Variants in AGPAT3 observed in about 807,000 individuals in gnomAD.
AGPAT3 encodes 1-acylglycerol-3-phosphate O-acyltransferase 3.
In AGPAT3, 5 loss-of-function variants were observed where a neutral mutation model predicts 47.3. The observed-to-expected ratio is 0.11, with a 90% CI of 0.06 to 0.22. AGPAT3 has a LOEUF of 0.22. AGPAT3 is among the 10% of genes least tolerant of loss of function. The pLI, the probability that AGPAT3 is intolerant of heterozygous loss-of-function variation, is 1.00. For synonymous variants in AGPAT3, 212 were observed against 208.3 expected, an observed-to-expected ratio of 1.02 and a Z score of -0.15; for missense variants, 315 against 493.0, an observed-to-expected ratio of 0.64 and a Z score of 3.42.
intron 2 of AGPAT3, among the ~76,000 whole-genome samples, chr21:43,959,005 CAT>C (rs1569091577): frequency 1.1e-5 from 1 of 89,346 alleles, no homozygotes; most frequent in Non-Finnish European, 2.2e-5. Flanking sequence ...GTGTGTGTAG[CAT>C]GTGTGTGGTT....
At chr21:43,960,283 G>A (rs562699230) in intron 3 of AGPAT3, among the ~76,000 whole-genome samples, 8 of 152,282 alleles carry the variant, frequency 5.3e-5, no homozygotes, top group African/African-American at 1.4e-4. Context: ...GCCTCCCTGC[G>A]TATCAAACAC....
rs1468762234 is a variant in AGPAT3 at position 43,939,152 on chromosome 21, C to G, written c.-48-20482C>G. 3.3e-5 allele frequency among the ~76,000 whole-genome samples: 5 copies of G among 152,176 alleles called. No homozygotes were observed. The highest frequency in any genetic ancestry group is 3.3e-4 in the Admixed American group (5 of 15,288). On this transcript the variant is annotated intron_variant, in intron 2 of 9. Coordinates refer to ENST00000291572, the MANE Select transcript of AGPAT3 (RefSeq NM_020132.5). This position sits in a 1 kb window ranked among gnomAD's most constrained non-coding sequence, Gnocchi z 4.4. The stretch of plus-strand genomic sequence containing the variant: ...GTTGTGTCTGATGCCGTGGGAGATG[C>G]ACGAGCAGTGACTTTCACTTTATCC...
At position 43,981,104 on chromosome 21, in the gene AGPAT3, C is replaced by T; in HGVS notation, c.959C>T (p.Ser320Phe). Reference sequence around the variant, plus strand: ...CTGTCCTGGGCCACCATTCTCCTGTCTCCCCTCTTCAGTTTTGTCTTGGGC... The same window carrying T: ...CTGTCCTGGGCCACCATTCTCCTGTTTCCCCTCTTCAGTTTTGTCTTGGGC... ...NFLSWATILL[S>F]PLFSFVLGVF... Residue 320 changes from serine (S) to phenylalanine (F), a missense_variant, in exon 9 of 10, where the codon TCT becomes TTT. Coordinates refer to ENST00000291572, the MANE Select transcript of AGPAT3 (RefSeq NM_020132.5). This position sits in a 1 kb window ranked among gnomAD's most constrained non-coding sequence, Gnocchi z 5.3. 6.2e-7 allele frequency: 1 copy of T among 1,614,224 alleles called. No individual in the cohort carries two copies. Among genetic ancestry groups the T allele is most frequent in the Non-Finnish European group, 8.5e-7 (1 of 1,180,034 alleles).
In AGPAT3 at chr21:43,952,463, G is replaced by T. The variant is rs1201340365; in HGVS notation, c.-48-7171G>T. Among the ~76,000 whole-genome samples, 2 of 152,184 alleles carry T rather than the reference G, an allele frequency of 1.3e-5. No individual in the cohort carries two copies. Among genetic ancestry groups the T allele is most frequent in the African/African-American group, 2.4e-5 (1 of 41,448 alleles). ...AATTGGGTGTGGGCGTGTGGGGCTGGGCTCTGATTGGCAAGCAGTGCTCTG... is the reference window on the plus strand; with the variant it reads ...AATTGGGTGTGGGCGTGTGGGGCTGTGCTCTGATTGGCAAGCAGTGCTCTG... On this transcript the variant is annotated intron_variant, in intron 2 of 9. Coordinates refer to ENST00000291572, the MANE Select transcript of AGPAT3 (RefSeq NM_020132.5). This position sits in a 1 kb window ranked among gnomAD's most constrained non-coding sequence, Gnocchi z 5.6.
At chr21:43,976,447 C>T (rs998131332) in intron 7 of AGPAT3, among the ~76,000 whole-genome samples, 1 of 152,280 alleles carries the variant, frequency 6.6e-6, no homozygotes. Context: ...GTCTGCCTGC[C>T]CCTCGGCTTC....
intron 8 of AGPAT3, among the ~76,000 whole-genome samples, chr21:43,979,299 AAAAAAAAAAAAAAAAAAG>A (rs2089748654): frequency 2.0e-5 from 1 of 50,670 alleles, no homozygotes; most frequent in South Asian, 7.3e-4. Flanking sequence ...ACTCCAACTC[AAAAAAAAAAAAAAAAAAG>A]AAAGAAAAAA....
chr21:43,983,114 T>G lies in AGPAT3; in HGVS notation c.*722T>G, dbSNP rs2089907114. 1 of 152,280 alleles carries G rather than the reference T, an allele frequency of 6.6e-6. No homozygotes were observed. The highest frequency in any genetic ancestry group is 6.5e-5 in the Admixed American group (1 of 15,286). 9.4% of individuals were successfully genotyped at this position (152,280 alleles called of 1,614,324 possible). A position where few individuals can be genotyped will look rare whatever the true frequency, so the allele number is the denominator to read the frequency against. On this transcript the variant is annotated 3_prime_UTR_variant, in exon 10 of 10. Coordinates refer to ENST00000291572, the MANE Select transcript of AGPAT3 (RefSeq NM_020132.5). ...ATGGGCCCCTGAGAACTCAGTGAAATGCAGAGTTCTCCATGCACCTAAAGC... is the reference window on the plus strand; with the variant it reads ...ATGGGCCCCTGAGAACTCAGTGAAAGGCAGAGTTCTCCATGCACCTAAAGC...
intron 1 of AGPAT3, among the ~76,000 whole-genome samples, chr21:43,879,248 GC>G (rs2085800493): frequency 6.6e-6 from 1 of 150,872 alleles, no homozygotes; most frequent in African/African-American, 2.4e-5. Flanking sequence ...TTCTCAGAAG[GC>G]TGAGACATGA....
At chr21:43,957,170 C>T (rs1249735025) in intron 2 of AGPAT3, among the ~76,000 whole-genome samples, 4 of 151,828 alleles carry the variant, frequency 2.6e-5, no homozygotes, top group African/African-American at 7.3e-5. Flanking sequence ...TTCAAGGCAG[C>T]GCCTGCAAAT....
chr21:43,867,903 G>T (rs1214532287), intron 1 of AGPAT3, among the ~76,000 whole-genome samples: 2 of 152,122 alleles, frequency 1.3e-5, no homozygotes, highest in Non-Finnish European at 2.9e-5. Context: ...GTTTTAAACG[G>T]GTCGTTTCAA....
intron 1 of AGPAT3, among the ~76,000 whole-genome samples, chr21:43,887,646 TAC>T (rs1200830069): frequency 6.6e-6 from 1 of 152,228 alleles, no homozygotes; most frequent in Non-Finnish European, 1.5e-5. Flanking sequence ...GGTAGTTGTA[TAC>T]AGAGTTTATT....
intron 1 of AGPAT3, among the ~76,000 whole-genome samples, chr21:43,896,306 G>A (rs956782675): frequency 3.9e-5 from 6 of 152,220 alleles, no homozygotes; most frequent in Admixed American, 1.3e-4. Context: ...GAAGGAATCT[G>A]CTCTGCTTGA....
rs893001442 is a variant in AGPAT3 at position 43,952,495 on chromosome 21, C to A, written c.-48-7139C>A. ...ATTGGCAAGCAGTGCTCTGGCCCTG[C>A]CCAGGCAGAGGCAGCCTCGTGCCTC... On this transcript the variant is annotated intron_variant, in intron 2 of 9. Transcript: ENST00000291572. The surrounding 1 kb of genome is among the most constrained non-coding windows in gnomAD (Gnocchi z 5.6). Among the ~76,000 whole-genome samples, 1 of 152,176 alleles carries A rather than the reference C, an allele frequency of 6.6e-6. No homozygotes were observed. Among genetic ancestry groups the A allele is most frequent in the African/African-American group, 2.4e-5 (1 of 41,446 alleles).
intron 2 of AGPAT3, among the ~76,000 whole-genome samples, chr21:43,935,264 G>A (rs904885453): frequency 6.6e-6 from 1 of 152,276 alleles, no homozygotes; most frequent in African/African-American, 2.4e-5. Flanking sequence ...GGAGCAGGAG[G>A]CAGGCTCAGG....
At chr21:43,936,661 C>T (rs994383039) in intron 2 of AGPAT3, among the ~76,000 whole-genome samples, 2 of 152,254 alleles carry the variant, frequency 1.3e-5, no homozygotes, top group African/African-American at 4.8e-5. Context: ...CTGCTGCCCA[C>T]AGAGACTTCA....
At chr21:43,898,508 C>A (rs2086278728) in intron 1 of AGPAT3, among the ~76,000 whole-genome samples, 1 of 152,172 alleles carries the variant, frequency 6.6e-6, no homozygotes, top group South Asian at 2.1e-4. Flanking sequence ...CCCCTTACAA[C>A]TAATAGACTG....
intron 2 of AGPAT3, among the ~76,000 whole-genome samples, chr21:43,946,238 T>C (rs117707535): frequency 0.023 from 3,516 of 152,258 alleles, 54 homozygotes; most frequent in Non-Finnish European, 0.035. Context: ...AGTGACAAGC[T>C]CTGTACATCC....
At position 43,922,311 on chromosome 21, in the gene AGPAT3, G is replaced by A. The variant is rs1282239448; in HGVS notation, c.-49+18292G>A. Among the ~76,000 whole-genome samples the A allele has an allele frequency of 1.3e-5, 2 of 152,200 alleles. No homozygotes were observed. Among genetic ancestry groups the A allele is most frequent in the East Asian group, 3.9e-4 (2 of 5,192 alleles). ...CGAGGCGAGGATGGTGAACACATCA[G>A]CAAACAGGAAGCGTGGGGGGAAGCG... On this transcript the variant is annotated intron_variant, in intron 2 of 9. Coordinates refer to ENST00000291572, the MANE Select transcript of AGPAT3 (RefSeq NM_020132.5). This position sits in a 1 kb window ranked among gnomAD's most constrained non-coding sequence, Gnocchi z 4.9.
intron 1 of AGPAT3, among the ~76,000 whole-genome samples, chr21:43,870,229 A>T (rs996177304): frequency 5.3e-5 from 8 of 152,194 alleles, no homozygotes; most frequent in Non-Finnish European, 1.5e-5. Context: ...CGATCAGGAC[A>T]CACGTGTTTC....
Sources: allele counts gnomAD v4.1 joint callset (sites outside exome capture counted in the v4.1 genomes callset), GRCh38; gene constraint gnomAD v4.1.1; non-coding constraint Gnocchi (gnomAD v3.1); transcripts MANE v1.5; gene names NCBI Gene and HGNC (gene_info 2026-07-23, HGNC 2026-07-21).